HMGCLL1: variants seen among roughly 807,000 people sequenced by gnomAD.
HMGCLL1 encodes the protein 3-hydroxymethyl-3-methylglutaryl-CoA lyase, cytoplasmic.
HMGCLL1 carries 36 observed loss-of-function variants against 39.1 expected under a neutral mutation model. That is an observed-to-expected ratio of 0.92 (90% CI 0.71 to 1.22). HMGCLL1 has a LOEUF of 1.22. Among genes scored for constraint, HMGCLL1 ranks in the 50% most tolerant of loss-of-function variants. The pLI is 0.00. For synonymous variants in HMGCLL1, 149 were observed against 144.0 expected, an observed-to-expected ratio of 1.03 and a Z score of -0.25; for missense variants, 451 against 416.5, an observed-to-expected ratio of 1.08 and a Z score of -0.72.
At position 55,477,190 on chromosome 6, in the gene HMGCLL1, T is replaced by TAA. The variant is rs1765361301; in HGVS notation, c.795+18228_795+18229insTT. Among the ~76,000 whole-genome samples the TAA allele has an allele frequency of 1.5e-4, 5 of 32,278 alleles. 1 individual carries two copies. Among genetic ancestry groups the TAA allele is most frequent in the African/African-American group, 9.8e-4 (5 of 5,084 alleles). 21.2% of individuals were successfully genotyped at this position (32,278 alleles called of 152,430 possible). ...ATATAATATATATTATATTTATATA[T>TAA]TATATATTATATAATATATATTATA... On this transcript the variant is annotated intron_variant, in intron 7 of 8. Coordinates refer to ENST00000274901, the MANE Select transcript of HMGCLL1 (RefSeq NM_001042406.2).
chr6:55,477,734 G>A (rs1253371631), intron 7 of HMGCLL1, among the ~76,000 whole-genome samples: 1 of 149,246 alleles, frequency 6.7e-6, no homozygotes, highest in Non-Finnish European at 1.5e-5. Flanking sequence ...ATTTTCTAAT[G>A]TAAAGCCAAA....
chr6:55,531,991 T>C (rs1380125873), intron 3 of HMGCLL1, among the ~76,000 whole-genome samples: 3 of 152,130 alleles, frequency 2.0e-5, no homozygotes, highest in African/African-American at 4.8e-5. Context: ...GTAAACGTAA[T>C]GCACTTGAAT....
chr6:55,633,125 A>G, the HMGCLL1 span, among the ~76,000 whole-genome samples: 2 of 152,088 alleles, frequency 1.3e-5, no homozygotes, highest in African/African-American at 4.8e-5. Flanking sequence ...CAATTCACTC[A>G]CTAGCAAGTG....
chr6:55,604,234 T>C, the HMGCLL1 span, among the ~76,000 whole-genome samples: 2 of 152,170 alleles, frequency 1.3e-5, no homozygotes, highest in Non-Finnish European at 2.9e-5. Context: ...CCCTGAAATA[T>C]GAACCTTTAA....
At chr6:55,561,023 G>C (rs1770919777) in intron 1 of HMGCLL1, among the ~76,000 whole-genome samples, 1 of 151,916 alleles carries the variant, frequency 6.6e-6, no homozygotes, top group Non-Finnish European at 1.5e-5. Flanking sequence ...GCCTCTATTT[G>C]GAAAACTAAT....
intron 7 of HMGCLL1, among the ~76,000 whole-genome samples, chr6:55,463,259 T>C (rs925065204): frequency 6.6e-6 from 1 of 152,006 alleles, no homozygotes; most frequent in Admixed American, 6.6e-5. Flanking sequence ...CTCGAACTCC[T>C]GACCTCAGGC....
the HMGCLL1 span, among the ~76,000 whole-genome samples, chr6:55,651,232 C>A: frequency 1.3e-5 from 2 of 152,110 alleles, no homozygotes; most frequent in African/African-American, 4.8e-5. Context: ...CAGAACTCAG[C>A]TCTGTAGTCA....
rs543370793 is a variant in HMGCLL1 at position 55,485,671 on chromosome 6, C to A, written c.795+9748G>T. 1.8e-4 allele frequency among the ~76,000 whole-genome samples: 28 copies of A among 151,752 alleles called. No homozygotes were observed. The South Asian group carries it at 4.6e-3, about 25-fold the overall frequency. On this transcript the variant is annotated intron_variant, in intron 7 of 8. Coordinates refer to ENST00000274901, the MANE Select transcript of HMGCLL1 (RefSeq NM_001042406.2). ...AGAACAACAATTAATTTAAAAAATA[C>A]AAATAATCATTAAACATATGAAAGA...
chr6:55,494,941 A>T (rs2127423151), intron 7 of HMGCLL1, among the ~76,000 whole-genome samples: 1 of 152,334 alleles, frequency 6.6e-6, no homozygotes, highest in Middle Eastern at 3.4e-3. Flanking sequence ...GTCAAAAGTA[A>T]GCTTGCCAAC....
At chr6:55,586,363 A>G in the HMGCLL1 span, among the ~76,000 whole-genome samples, 1 of 150,958 alleles carries the variant, frequency 6.6e-6, no homozygotes, top group Non-Finnish European at 1.5e-5. Flanking sequence ...AAACAGCCTC[A>G]TTATTACCAA....
the HMGCLL1 span, among the ~76,000 whole-genome samples, chr6:55,620,219 A>G: frequency 6.6e-6 from 1 of 152,100 alleles, no homozygotes; most frequent in African/African-American, 2.4e-5. Context: ...TATCAGTGGA[A>G]TTGCTGGATC....
At chr6:55,535,588 T>C (rs927667714) in intron 3 of HMGCLL1, among the ~76,000 whole-genome samples, 11 of 152,136 alleles carry the variant, frequency 7.2e-5, no homozygotes, top group Admixed American at 1.3e-4. Context: ...CATTTGGAGA[T>C]AATTTGGTTT....
chr6:55,646,387 A>G, the HMGCLL1 span, among the ~76,000 whole-genome samples: 1 of 151,318 alleles, frequency 6.6e-6, no homozygotes, highest in Non-Finnish European at 1.5e-5. Context: ...TTTCAAATTT[A>G]TTTATTTATT....
At chr6:55,659,453 A>G in the HMGCLL1 span, among the ~76,000 whole-genome samples, 1 of 151,944 alleles carries the variant, frequency 6.6e-6, no homozygotes, top group Non-Finnish European at 1.5e-5. Context: ...AGAATCAGAA[A>G]CATGTGTCTT....
At chr6:55,557,340 G>A (rs1016963383) in intron 1 of HMGCLL1, among the ~76,000 whole-genome samples, 3 of 152,088 alleles carry the variant, frequency 2.0e-5, no homozygotes, top group South Asian at 2.1e-4. Flanking sequence ...AGGCTGGTGC[G>A]CCAAAATAAC....
chr6:55,666,443 G>A, the HMGCLL1 span, among the ~76,000 whole-genome samples: 1 of 151,542 alleles, frequency 6.6e-6, no homozygotes, highest in South Asian at 2.1e-4. Context: ...TTAAGCAAAA[G>A]CAGTTATATT....
chr6:55,578,530 A>G (rs1454366263), intron 1 of HMGCLL1, among the ~76,000 whole-genome samples: 1 of 152,188 alleles, frequency 6.6e-6, no homozygotes, highest in Non-Finnish European at 1.5e-5. Flanking sequence ...TACCGGTTTC[A>G]TTCCTTTTTC....
chr6:55,506,127 G>T (rs967487518), intron 5 of HMGCLL1, among the ~76,000 whole-genome samples: 8 of 151,656 alleles, frequency 5.3e-5, no homozygotes, highest in Non-Finnish European at 1.0e-4. Flanking sequence ...CAATGAGAAA[G>T]CTTCCTGTGT....
chr6:55,504,989 G>A (rs1354946429), intron 5 of HMGCLL1, among the ~76,000 whole-genome samples: 2 of 151,544 alleles, frequency 1.3e-5, no homozygotes, highest in Non-Finnish European at 3.0e-5. Flanking sequence ...ATATTGAAAC[G>A]AATCTTGCTA....
Sources: gnomAD v4.1 joint callset for allele counts (sites outside exome capture counted in the v4.1 genomes callset) on GRCh38, gnomAD v4.1.1 for gene constraint, MANE v1.5 for transcripts, NCBI Gene and HGNC (gene_info 2026-07-23, HGNC 2026-07-21) for gene names.